SHANK2: variants seen among roughly 807,000 people sequenced by gnomAD.
The protein encoded by SHANK2 is SH3 and multiple ankyrin repeat domains protein 2.
In SHANK2, 43 loss-of-function variants were observed where a neutral mutation model predicts 133.7. The ratio of observed to expected loss-of-function variants is 0.32; its 90% confidence interval spans 0.25 to 0.41. The LOEUF is 0.41. Ranked by LOEUF, SHANK2 falls within the 10% of genes least tolerant of loss-of-function variation. SHANK2 has a pLI of 1.00. For synonymous variants in SHANK2, 1,017 were observed against 952.8 expected (o/e 1.07, Z -1.24); for missense variants, 1,994 against 2,235.8 (o/e 0.89, Z 2.18).
At chr11:71,222,296 C>T (rs1459372603) in intron 2 of SHANK2, among the ~76,000 whole-genome samples, 2 of 152,190 alleles carry the variant, frequency 1.3e-5, no homozygotes, top group African/African-American at 2.4e-5. Flanking sequence ...GTGAGTTGCC[C>T]AGACAAGTTT....
At chr11:71,208,367 G>C (rs782194141) in intron 2 of SHANK2, among the ~76,000 whole-genome samples, 5 of 152,110 alleles carry the variant, frequency 3.3e-5, no homozygotes, top group Non-Finnish European at 7.4e-5. Context: ...TGTGCAGAAG[G>C]CTCCAAGGAT....
intron 14 of SHANK2, among the ~76,000 whole-genome samples, chr11:70,715,901 A>G (rs1945906479): frequency 6.6e-6 from 1 of 152,172 alleles, no homozygotes. Context: ...AGACTCCAAA[A>G]GACTTGTCCA....
chr11:70,950,803 GTGTA>G (rs1393075602), intron 10 of SHANK2, among the ~76,000 whole-genome samples: 1 of 152,062 alleles, frequency 6.6e-6, no homozygotes, highest in Non-Finnish European at 1.5e-5. Context: ...ATGTGTGGGT[GTGTA>G]TGTATGTGTT....
intron 10 of SHANK2, among the ~76,000 whole-genome samples, chr11:70,901,708 G>A (rs574178150): frequency 6.6e-6 from 1 of 152,192 alleles, no homozygotes; most frequent in African/African-American, 2.4e-5. Context: ...ACAGGATGTA[G>A]AGAGACTTCC....
At chr11:70,769,863 A>T (rs1947210045) in intron 14 of SHANK2, among the ~76,000 whole-genome samples, 1 of 152,028 alleles carries the variant, frequency 6.6e-6, no homozygotes, top group Non-Finnish European at 1.5e-5. Context: ...TCTGCTACTC[A>T]ATGAGGTCTG....
intron 17 of SHANK2, among the ~76,000 whole-genome samples, chr11:70,593,187 G>A (rs1554988496): frequency 6.6e-6 from 1 of 152,200 alleles, no homozygotes; most frequent in Non-Finnish European, 1.5e-5. Context: ...TTTTGGCTAG[G>A]TGTAGCTCCT....
At chr11:70,570,864 G>A (rs1554982918) in intron 17 of SHANK2, among the ~76,000 whole-genome samples, 1 of 152,204 alleles carries the variant, frequency 6.6e-6, no homozygotes, top group Non-Finnish European at 1.5e-5. Flanking sequence ...GACATACACT[G>A]CTTGTCACCC....
intron 2 of SHANK2, among the ~76,000 whole-genome samples, chr11:71,192,334 C>T (rs781870645): frequency 3.9e-5 from 6 of 152,224 alleles, no homozygotes; most frequent in Non-Finnish European, 5.9e-5. Flanking sequence ...GACAACTCTC[C>T]ACTCTGTTCT....
chr11:70,506,391 G>A (rs1286052211), intron 17 of SHANK2, among the ~76,000 whole-genome samples: 1 of 152,196 alleles, frequency 6.6e-6, no homozygotes, highest in Admixed American at 6.5e-5. Flanking sequence ...TAGACCTGCT[G>A]CCCTCAGCAG....
At chr11:70,695,325 T>C (rs1430913160) in intron 15 of SHANK2, among the ~76,000 whole-genome samples, 2 of 150,980 alleles carry the variant, frequency 1.3e-5, no homozygotes, top group Non-Finnish European at 2.9e-5. Context: ...TTATATTATG[T>C]GTATTCTACC....
At chr11:71,067,856 A>C (rs1951087248) in intron 9 of SHANK2, among the ~76,000 whole-genome samples, 2 of 151,130 alleles carry the variant, frequency 1.3e-5, no homozygotes, top group East Asian at 1.9e-4. Context: ...CAATATGACC[A>C]CTGTCACCAT....
At chr11:71,205,347 C>G (rs550003624) in intron 2 of SHANK2, among the ~76,000 whole-genome samples, 142 of 152,320 alleles carry the variant, frequency 9.3e-4, no homozygotes, top group Non-Finnish European at 1.8e-3. Flanking sequence ...CTGACCAGCA[C>G]CACCCTGACC....
intron 2 of SHANK2, among the ~76,000 whole-genome samples, chr11:71,195,982 G>T (rs1413042124): frequency 6.6e-6 from 1 of 152,102 alleles, no homozygotes; most frequent in East Asian, 1.9e-4. Flanking sequence ...AGGAGTTCGG[G>T]ACCAGCCTGA....
intron 11 of SHANK2, among the ~76,000 whole-genome samples, chr11:70,881,243 C>A (rs1356613481): frequency 6.6e-6 from 1 of 152,062 alleles, no homozygotes; most frequent in Non-Finnish European, 1.5e-5. Flanking sequence ...GATGAAGTCT[C>A]ACCATCTCAC....
intron 11 of SHANK2, among the ~76,000 whole-genome samples, chr11:70,866,995 G>A (rs1001428743): frequency 2.6e-5 from 4 of 151,918 alleles, no homozygotes; most frequent in African/African-American, 9.7e-5. Context: ...CAAGGCCTGG[G>A]GCTGACATTC....
intron 11 of SHANK2, among the ~76,000 whole-genome samples, chr11:70,880,069 C>A (rs1294395843): frequency 6.6e-6 from 1 of 152,204 alleles, no homozygotes. Flanking sequence ...CGGTGCTGTG[C>A]CTGCCAGGGC....
intron 14 of SHANK2, among the ~76,000 whole-genome samples, chr11:70,742,669 C>A (rs2134820547): frequency 6.6e-6 from 1 of 152,302 alleles, no homozygotes; most frequent in South Asian, 2.1e-4. Flanking sequence ...TGAATGTCAG[C>A]ACTAATCTGT....
At chr11:71,110,128 T>A in intron 5 of SHANK2, 79 bp from the exon 6 acceptor site, 1 of 1,102,424 alleles carries the variant, frequency 9.1e-7, no homozygotes, top group Non-Finnish European at 1.3e-6. Context: ...ACCCCGTCTC[T>A]ACAAAAAATA....
At chr11:71,121,517 C>A (rs1360804574) in intron 3 of SHANK2, among the ~76,000 whole-genome samples, 1 of 152,168 alleles carries the variant, frequency 6.6e-6, no homozygotes, top group Non-Finnish European at 1.5e-5. Context: ...CTGTAGATTG[C>A]CTGTTCACTC....
Sources: gnomAD v4.1 joint callset for allele counts (sites outside exome capture counted in the v4.1 genomes callset) on GRCh38, gnomAD v4.1.1 for gene constraint, MANE v1.5 for transcripts, NCBI Gene and HGNC (gene_info 2026-07-23, HGNC 2026-07-21) for gene names.